PTER: variants seen among roughly 807,000 people sequenced by gnomAD.
PTER encodes phosphotriesterase related, also known as N-acetyltaurine hydrolase.
PTER carries 38 observed loss-of-function variants against 29.6 expected under a neutral mutation model. The ratio of observed to expected loss-of-function variants is 1.28; its 90% CI spans 0.99 to 1.68. The LOEUF (loss-of-function observed/expected upper bound fraction) is 1.68. Among genes scored for constraint, PTER ranks in the 40% most tolerant of loss-of-function variants. The probability of loss-of-function intolerance (pLI) is 0.00; values close to 1 mark genes in which losing one functional copy is unlikely to be tolerated. For synonymous variants in PTER, 172 were observed against 154.5 expected (o/e 1.11, Z -0.84); for missense variants, 482 against 427.8 (o/e 1.13, Z -1.12).
intron 3 of PTER, among the ~76,000 whole-genome samples, chr10:16,488,656 T>A (rs1054031505): frequency 2.6e-4 from 40 of 151,198 alleles, no homozygotes; most frequent in African/African-American, 9.2e-4. Flanking sequence ...CAGGCTGGAG[T>A]GCAGTGGCAT....
chr10:16,479,124 A>G (rs1835386755), intron 1 of PTER, among the ~76,000 whole-genome samples: 1 of 151,870 alleles, frequency 6.6e-6, no homozygotes, highest in Non-Finnish European at 1.5e-5. Context: ...GAAACCCAAC[A>G]TTTTCCTCCA....
Sources: gnomAD v4.1 joint callset for allele counts (sites outside exome capture counted in the v4.1 genomes callset) on GRCh38, gnomAD v4.1.1 for gene constraint, MANE v1.5 for transcripts, NCBI Gene and HGNC (gene_info 2026-07-23, HGNC 2026-07-21) for gene names.